CNBD1: variants seen among roughly 807,000 people sequenced by gnomAD.
The protein encoded by CNBD1 is cyclic nucleotide-binding domain-containing protein 1.
CNBD1 carries 71 observed loss-of-function variants against 54.4 expected under a neutral mutation model. The observed-to-expected ratio is 1.30, with a 90% confidence interval of 1.08 to 1.59. The LOEUF is 1.59. Among genes scored for constraint, CNBD1 ranks in the 40% most tolerant of loss-of-function variants. The pLI, the probability that CNBD1 is intolerant of heterozygous loss-of-function variation, is 0.00. For synonymous variants in CNBD1, 182 were observed against 170.7 expected, an observed-to-expected ratio of 1.07 and a Z score of -0.51; for missense variants, 659 against 518.0, an observed-to-expected ratio of 1.27 and a Z score of -2.64.
chr8:87,252,702 T>C (rs1335533247), intron 6 of CNBD1, among the ~76,000 whole-genome samples: 1 of 152,178 alleles, frequency 6.6e-6, no homozygotes, highest in African/African-American at 2.4e-5. Flanking sequence ...AGAGGGATTT[T>C]TTCTTGCCTC....
At chr8:86,998,872 A>T (rs2130541325) in intron 4 of CNBD1, among the ~76,000 whole-genome samples, 1 of 152,250 alleles carries the variant, frequency 6.6e-6, no homozygotes, top group East Asian at 1.9e-4. Context: ...GTCTTGCCTT[A>T]TGCTGGACCC....
At chr8:87,100,404 G>A (rs1811407095) in intron 4 of CNBD1, among the ~76,000 whole-genome samples, 1 of 152,224 alleles carries the variant, frequency 6.6e-6, no homozygotes, top group Non-Finnish European at 1.5e-5. Flanking sequence ...AATGAGGTGT[G>A]TGTGTTTGCT....
chr8:87,379,484 A>G (rs1179668452), intron 10 of CNBD1, among the ~76,000 whole-genome samples: 1 of 151,948 alleles, frequency 6.6e-6, no homozygotes, highest in Non-Finnish European at 1.5e-5. Flanking sequence ...CTGGGAAGTA[A>G]AGCTCTCCCC....
At chr8:87,371,992 A>G (rs897640810) in intron 10 of CNBD1, among the ~76,000 whole-genome samples, 35 of 151,878 alleles carry the variant, frequency 2.3e-4, no homozygotes, top group African/African-American at 7.7e-4. Context: ...GGCCAGGGCA[A>G]TTAGGCAGGA....
chr8:87,393,095 A>C (rs760565753), intron 2 of CNBD1, among the ~76,000 whole-genome samples: 3 of 151,900 alleles, frequency 2.0e-5, no homozygotes, highest in South Asian at 2.1e-4. Flanking sequence ...ATTTACTGGA[A>C]TCTAAAAGAT....
chr8:87,008,686 C>T (rs1353285826), intron 4 of CNBD1, among the ~76,000 whole-genome samples: 4 of 152,168 alleles, frequency 2.6e-5, no homozygotes, highest in African/African-American at 4.8e-5. Flanking sequence ...GGAAACAAAA[C>T]TGAGTTGATG....
At chr8:86,935,065 T>C (rs1173001050) in intron 3 of CNBD1, among the ~76,000 whole-genome samples, 1 of 150,832 alleles carries the variant, frequency 6.6e-6, no homozygotes, top group Non-Finnish European at 1.5e-5. Context: ...AGACAGAGTC[T>C]TGCTTTGTTG....
intron 4 of CNBD1, among the ~76,000 whole-genome samples, chr8:87,030,063 A>G (rs1809747629): frequency 6.6e-6 from 1 of 152,204 alleles, no homozygotes; most frequent in Non-Finnish European, 1.5e-5. Flanking sequence ...TCAGTTTTCA[A>G]AATTATTGTA....
chr8:87,343,293 CACGTTTTACAAACAA>C (rs1210086104), intron 8 of CNBD1, among the ~76,000 whole-genome samples: 1 of 152,148 alleles, frequency 6.6e-6, no homozygotes, highest in Non-Finnish European at 1.5e-5. Context: ...TGTTCAAACA[CACGTTTTACAAACAA>C]TTGGTACAGT....
chr8:87,266,436 A>AAATTTTT (rs71503464), intron 6 of CNBD1, among the ~76,000 whole-genome samples: 6 of 76,224 alleles, frequency 7.9e-5, no homozygotes, highest in East Asian at 3.3e-4. Context: ...AAAAAAAAAA[A>AAATTTTT]TCTTTTTTTT....
chr8:87,254,038 T>C (rs578030891), intron 6 of CNBD1, among the ~76,000 whole-genome samples: 1 of 152,320 alleles, frequency 6.6e-6, no homozygotes, highest in East Asian at 1.9e-4. Flanking sequence ...ATTCCTATGT[T>C]CATGGAGTAA....
At chr8:86,893,919 G>A (rs1419755388) in intron 2 of CNBD1, among the ~76,000 whole-genome samples, 2 of 150,730 alleles carry the variant, frequency 1.3e-5, no homozygotes, top group African/African-American at 4.9e-5. Context: ...TTTATTACCT[G>A]AATCCAGGAC....
intron 2 of CNBD1, among the ~76,000 whole-genome samples, chr8:87,413,276 G>A (rs1043848376): frequency 1.3e-5 from 2 of 152,046 alleles, no homozygotes; most frequent in African/African-American, 4.8e-5. Flanking sequence ...TGCATAGTGA[G>A]TTTTGGGGTC....
chr8:87,418,914 A>C (rs951165531), intron 2 of CNBD1, among the ~76,000 whole-genome samples: 1 of 151,882 alleles, frequency 6.6e-6, no homozygotes, highest in Non-Finnish European at 1.5e-5. Context: ...AAAGCAAACC[A>C]TTGACTTTTT....
chr8:87,242,062 T>G (rs1356296525), intron 6 of CNBD1, among the ~76,000 whole-genome samples: 1 of 152,192 alleles, frequency 6.6e-6, no homozygotes, highest in Non-Finnish European at 1.5e-5. Context: ...CCTCTTGCTT[T>G]TGGTATTCAG....
intron 10 of CNBD1, among the ~76,000 whole-genome samples, chr8:87,357,261 A>G (rs1201005687): frequency 6.6e-6 from 1 of 152,060 alleles, no homozygotes; most frequent in Non-Finnish European, 1.5e-5. Context: ...GTGAACTGTA[A>G]GAAGTGGGCT....
chr8:87,169,330 G>A (rs1444578369), intron 4 of CNBD1, among the ~76,000 whole-genome samples: 1 of 151,956 alleles, frequency 6.6e-6, no homozygotes, highest in African/African-American at 2.4e-5. Context: ...TTAATCCCCT[G>A]CAGATATTTT....
At chr8:87,263,366 C>G (rs1808180404) in intron 6 of CNBD1, among the ~76,000 whole-genome samples, 1 of 151,846 alleles carries the variant, frequency 6.6e-6, no homozygotes, top group South Asian at 2.1e-4. Flanking sequence ...ACCTTTAGAA[C>G]TTGGTATGCA....
intron 1 of CNBD1, among the ~76,000 whole-genome samples, chr8:86,877,946 A>T (rs1257165051): frequency 6.6e-6 from 1 of 151,764 alleles, no homozygotes; most frequent in Non-Finnish European, 1.5e-5. Flanking sequence ...TCATTTTTGC[A>T]GTTTCCCATG....
Sources: gnomAD v4.1 joint callset for allele counts (sites outside exome capture counted in the v4.1 genomes callset) on GRCh38, gnomAD v4.1.1 for gene constraint, MANE v1.5 for transcripts, NCBI Gene and HGNC (gene_info 2026-07-23, HGNC 2026-07-21) for gene names.